The following ZXDC variants were observed in gnomAD, a reference collection of about 807,000 sequenced individuals.
ZXDC encodes the protein ZXD family zinc finger C.
A neutral mutation model predicts 63.6 loss-of-function variants in ZXDC; 58 were observed. The observed-to-expected ratio is 0.91, with a 90% CI of 0.74 to 1.13. ZXDC has a LOEUF of 1.13. ZXDC is among the 50% of genes most tolerant of loss of function. The probability of loss-of-function intolerance (pLI) is 0.00; values close to 1 mark genes in which losing one functional copy is unlikely to be tolerated. For synonymous variants in ZXDC, 561 were observed against 496.1 expected (o/e 1.13, Z -1.74); for missense variants, 1,133 against 1,148.9 (o/e 0.99, Z 0.20).
chr3:126,448,462 G>A (rs1381181581), intron 7 of ZXDC, among the ~76,000 whole-genome samples: 1 of 152,148 alleles, frequency 6.6e-6, no homozygotes, highest in Non-Finnish European at 1.5e-5. Flanking sequence ...AGAGGCCACT[G>A]ACAGGACCCC....
At chr3:126,449,685 G>A (rs1193747740) in intron 7 of ZXDC, among the ~76,000 whole-genome samples, 1 of 152,152 alleles carries the variant, frequency 6.6e-6, no homozygotes, top group Admixed American at 6.5e-5. Context: ...TGCCACTGAC[G>A]GCCAGGAGTC....
At position 126,475,578 on chromosome 3, in the gene ZXDC, G is replaced by C. The variant is rs781001049; in HGVS notation, c.288C>G (p.Ala96=). 1.4e-6 allele frequency: 2 copies of C among 1,444,038 alleles called. No homozygotes were observed. Among genetic ancestry groups the C allele is most frequent in the South Asian group, 2.6e-5 (2 of 75,874 alleles). The allele number at this position is 1,444,038 out of a possible 1,614,324, so 89.5% of individuals were successfully genotyped here. ...AAAEAAGSQE[A]EPGSRVNLAS... is the part of the protein sequence containing the mutation. ...CCAGGTTGACACGGGAGCCAGGCTC[G>C]GCCTCCTGTGATCCGGCAGCCTCGG... is the stretch of plus-strand genomic sequence containing the variant. Residue 96 remains alanine, a synonymous_variant, in exon 1 of 10, where the codon GCC becomes GCG. Coordinates refer to ENST00000389709, the MANE Select transcript of ZXDC (RefSeq NM_025112.5).
intron 8 of ZXDC, chr3:126,440,527 G>A (rs1799403): frequency 0.51 from 500,922 of 985,208 alleles, 129,640 homozygotes; most frequent in African/African-American, 0.75. Flanking sequence ...CTGTTCTGCC[G>A]GTGGCACCAG....
At chr3:126,441,130 A>C (rs888407602) in intron 8 of ZXDC, 2 of 985,696 alleles carry the variant, frequency 2.0e-6, no homozygotes, top group Non-Finnish European at 1.2e-6. Context: ...CTGAGACTGA[A>C]GATGCAGGTG....
In ZXDC at chr3:126,466,267, C is replaced by T. The variant is rs1288355947; in HGVS notation, c.1329G>A (p.Val443=). The T allele has an allele frequency of 6.2e-7, 1 of 1,614,214 alleles. No homozygotes were observed. Among genetic ancestry groups the T allele is most frequent in the South Asian group, 1.1e-5 (1 of 91,090 alleles). Residue 443 remains valine, a synonymous_variant, in exon 5 of 10, where the codon GTG becomes GTA. Coordinates refer to ENST00000389709, the MANE Select transcript of ZXDC (RefSeq NM_025112.5). The part of the protein sequence containing the change: ...SSLYIHSKKH[V]QDVGAPKSRC... ...GGCTTTTCGGAGCACCCACATCCTG[C>T]ACGTGTTTCTTAGAGTGAATGTACA...
chr3:126,461,401 A>C (rs992512211), intron 6 of ZXDC, 134 bp downstream of exon 6: 83 of 1,431,136 alleles, frequency 5.8e-5, no homozygotes, highest in Non-Finnish European at 7.3e-5. Context: ...TGTCAGTTCC[A>C]GACTTGTAGT....
chr3:126,468,229 C>A (rs749414788), intron 4 of ZXDC, among the ~76,000 whole-genome samples: 1 of 152,100 alleles, frequency 6.6e-6, no homozygotes, highest in African/African-American at 2.4e-5. Flanking sequence ...CCCCAGCACA[C>A]ATAGCCCCGA....
At chr3:126,444,752 G>A (rs984751730) in intron 7 of ZXDC, among the ~76,000 whole-genome samples, 1 of 152,142 alleles carries the variant, frequency 6.6e-6, no homozygotes, top group African/African-American at 2.4e-5. Flanking sequence ...TACCTACAAA[G>A]CAAGAAATAT....
intron 6 of ZXDC, chr3:126,461,116 A>G: frequency 1.0e-6 from 1 of 988,578 alleles, no homozygotes; most frequent in Non-Finnish European, 1.2e-6. Context: ...AATTTTAAAA[A>G]AGAGTTTGGT....
intron 6 of ZXDC, chr3:126,460,327 C>T (rs1934475555): frequency 1.9e-6 from 1 of 519,524 alleles, no homozygotes; most frequent in Non-Finnish European, 2.5e-6. Flanking sequence ...CAGTTTAACA[C>T]TTATCGCTAT....
intron 7 of ZXDC, chr3:126,458,991 C>G: frequency 6.1e-6 from 6 of 981,472 alleles, no homozygotes; most frequent in Non-Finnish European, 7.3e-6. Context: ...CATATCAACC[C>G]TTTTAGATAA....
chr3:126,454,138 T>C, intron 7 of ZXDC: 2 of 968,804 alleles, frequency 2.1e-6, no homozygotes, highest in Non-Finnish European at 2.5e-6. Context: ...TCTATAAATA[T>C]TCAAAGGACA....
In ZXDC at chr3:126,441,908, T is replaced by C. The variant is rs779612223; in HGVS notation, c.2251A>G (p.Lys751Glu). The C allele has an allele frequency of 1.9e-6, 3 of 1,611,884 alleles. No homozygotes were observed. In the South Asian group the frequency reaches 3.3e-5, roughly 18 times the overall value. Residue 751 changes from lysine (K) to glutamate (E), a missense_variant, in exon 8 of 10, where the codon AAA (lysine) becomes GAA (glutamate). Physicochemically the swap from Lys to Glu is moderately conservative, Grantham distance 56. Coordinates refer to ENST00000389709, the MANE Select transcript of ZXDC (RefSeq NM_025112.5). ...GCATGGAAATGGGGAGGACTCATTT[T>C]GCCTTCTTTTATTTTTCTCTGAGTA... is the stretch of plus-strand genomic sequence containing the variant. ...QSTQRKIKEG[K>E]MSPPHFHASQ...
chr3:126,466,308 A>T lies in ZXDC; in HGVS notation c.1288T>A (p.Ser430Thr). 6.2e-7 allele frequency: 1 copy of T among 1,614,204 alleles called. No homozygotes were observed. The highest frequency in any genetic ancestry group is 1.1e-5 in the South Asian group (1 of 91,080). The stretch of plus-strand genomic sequence containing the variant: ...TGAATGTACAGACTGCTACGAGCGG[A>T]GAACCTCGCGCAACATCCTGGAACA... Reference protein sequence around the residue: ...CPVEGCCARFSARSSLYIHSK... With the variant: ...CPVEGCCARFTARSSLYIHSK... Residue 430 changes from serine (S) to threonine (T), a missense_variant, in exon 5 of 10, where the codon TCC becomes ACC. Coordinates refer to ENST00000389709, the MANE Select transcript of ZXDC (RefSeq NM_025112.5).
rs893158678 is a variant in ZXDC, at chr3:126,437,639, A to G, written c.*736T>C. 2 of 152,266 alleles carry G rather than the reference A, an allele frequency of 1.3e-5. No individual in the cohort carries two copies. Among genetic ancestry groups the G allele is most frequent in the African/African-American group, 4.8e-5 (2 of 41,412 alleles). 9.4% of individuals were successfully genotyped at this position (152,266 alleles called of 1,614,324 possible). On this transcript the variant is annotated 3_prime_UTR_variant, in exon 10 of 10. Transcript: ENST00000389709. ...CATAATTTATGGTATTCAGAACATC[A>G]CTTTATAAACTGTTGCCAAATTACC...
Position 126,459,669 on chromosome 3 carries a change from T to C in ZXDC, c.2196A>G (p.Gly732=). ...CGGCCTCACCTGCATTGCTCCCCGC[T>C]CCTCTCTGCTTTTTTTCCTTGGCTA... ...IQLAKEKKQR[G]AGSNAGASQS... The change falls in exon 7 of 10, where the codon GGA becomes GGG. Residue 732 remains glycine (G), a synonymous_variant. Transcript: ENST00000389709. 1.9e-6 allele frequency: 3 copies of C among 1,614,174 alleles called. No homozygotes were observed. Among genetic ancestry groups the C allele is most frequent in the Non-Finnish European group, 8.5e-7 (1 of 1,180,028 alleles).
At chr3:126,463,522 T>C (rs1387089157) in intron 5 of ZXDC, among the ~76,000 whole-genome samples, 4 of 152,258 alleles carry the variant, frequency 2.6e-5, no homozygotes, top group Non-Finnish European at 5.9e-5. Flanking sequence ...TTTTAATGCA[T>C]AGGCAAGTTT....
At chr3:126,443,681 C>T (rs954535886) in intron 7 of ZXDC, among the ~76,000 whole-genome samples, 3 of 152,170 alleles carry the variant, frequency 2.0e-5, no homozygotes, top group African/African-American at 4.8e-5. Flanking sequence ...TACTATCCCA[C>T]TTACCTCCAG....
rs114501054 is a variant in ZXDC at position 126,452,374 on chromosome 3, G to A, written c.2212+7279C>T. ...GAGGCTTCTCTTTCCTTCATCCCACGTCTGTCAGCCAAGCCTGTGGGCTCT... is the reference window on the plus strand; with the variant it reads ...GAGGCTTCTCTTTCCTTCATCCCACATCTGTCAGCCAAGCCTGTGGGCTCT... On this transcript the variant is annotated intron_variant, in intron 7 of 9. Coordinates refer to ENST00000389709, the MANE Select transcript of ZXDC (RefSeq NM_025112.5). 8.9e-4 allele frequency: 879 copies of A among 985,310 alleles called. 3 individuals are homozygous for A. In the African/African-American group the frequency reaches 0.014, roughly 16 times the overall value. 61.0% of individuals were successfully genotyped at this position (985,310 alleles called of 1,614,324 possible). A position where few individuals can be genotyped will look rare whatever the true frequency, so the allele number is the denominator to read the frequency against.
Sources: allele counts gnomAD v4.1 joint callset (sites outside exome capture counted in the v4.1 genomes callset), GRCh38; gene constraint gnomAD v4.1.1; transcripts MANE v1.5; gene names NCBI Gene and HGNC (gene_info 2026-07-23, HGNC 2026-07-21).